The following EPHA4 variants were observed in gnomAD, a reference collection of about 807,000 sequenced individuals.
EPHA4 encodes the protein EPH receptor A4.
A neutral mutation model predicts 108.3 loss-of-function variants in EPHA4; 19 were observed. The observed-to-expected ratio is 0.18, with a 90% CI of 0.12 to 0.26. EPHA4 has a LOEUF of 0.26. Among genes scored for constraint, EPHA4 ranks in the 10% least tolerant of loss-of-function variants. The pLI is 1.00. For missense variants in EPHA4, 917 were observed against 1,254.0 expected (o/e 0.73, Z 4.06); for synonymous variants, 449 against 455.5 (o/e 0.99, Z 0.18).
chr2:221,432,135 A>T (rs1479389502), intron 14 of EPHA4, among the ~76,000 whole-genome samples: 2 of 145,114 alleles, frequency 1.4e-5, no homozygotes, highest in Non-Finnish European at 3.0e-5. Flanking sequence ...TTGTTTTTTT[A>T]TATATATGTG....
chr2:221,458,601 G>A (rs1312769572), intron 5 of EPHA4, among the ~76,000 whole-genome samples: 5 of 152,194 alleles, frequency 3.3e-5, no homozygotes, highest in Non-Finnish European at 7.3e-5. Flanking sequence ...CTGAACATGC[G>A]TGGCATTTTG....
chr2:221,514,092 G>GGA (rs869291080), intron 3 of EPHA4, among the ~76,000 whole-genome samples: 1 of 74,690 alleles, frequency 1.3e-5, no homozygotes, highest in East Asian at 7.4e-3. Flanking sequence ...GTAAGCCGGG[G>GGA]GGAGGGGGTT....
intron 3 of EPHA4, among the ~76,000 whole-genome samples, chr2:221,514,096 G>T (rs866244758): frequency 0.011 from 677 of 64,474 alleles, 6 homozygotes; most frequent in African/African-American, 0.1. Context: ...GCCGGGGGGA[G>T]GGGGTTTGAA....
At chr2:221,560,324 T>C (rs1217897167) in intron 3 of EPHA4, among the ~76,000 whole-genome samples, 1 of 152,102 alleles carries the variant, frequency 6.6e-6, no homozygotes, top group African/African-American at 2.4e-5. Flanking sequence ...AGTTTTCCTT[T>C]ATATTCCTTC....
At chr2:221,479,228 T>G (rs1691748897) in intron 5 of EPHA4, among the ~76,000 whole-genome samples, 2 of 152,216 alleles carry the variant, frequency 1.3e-5, no homozygotes, top group African/African-American at 4.8e-5. Flanking sequence ...AGGAGTAGGA[T>G]TCTCCCTGCT....
intron 5 of EPHA4, 107 bp from the exon 6 acceptor site, chr2:221,458,097 G>A (rs1691019727): frequency 2.9e-6 from 4 of 1,390,422 alleles, no homozygotes; most frequent in Non-Finnish European, 3.9e-6. Flanking sequence ...GTGAAAGATT[G>A]TCTTGTCTCC....
chr2:221,464,659 G>A (rs944400335), intron 5 of EPHA4, among the ~76,000 whole-genome samples: 5 of 151,950 alleles, frequency 3.3e-5, no homozygotes, highest in Non-Finnish European at 5.9e-5. Flanking sequence ...TTTTGTTTGC[G>A]GTACATTCGA....
At chr2:221,486,573 C>CATAAAAAA (rs1691978960) in intron 4 of EPHA4, among the ~76,000 whole-genome samples, 1 of 151,486 alleles carries the variant, frequency 6.6e-6, no homozygotes. Context: ...ACTAAAAATA[C>CATAAAAAA]ATAAAAAAAA....
intron 9 of EPHA4, among the ~76,000 whole-genome samples, chr2:221,445,289 C>T (rs1690557195): frequency 6.6e-6 from 1 of 151,896 alleles, no homozygotes; most frequent in Non-Finnish European, 1.5e-5. Flanking sequence ...AACCACTGTC[C>T]ATTTAAAAGT....
chr2:221,470,590 T>G (rs1691451456), intron 5 of EPHA4, among the ~76,000 whole-genome samples: 1 of 71,826 alleles, frequency 1.4e-5, no homozygotes. Flanking sequence ...TGCTTTTCCC[T>G]AAAGTATCAC....
At chr2:221,441,197 C>CTTTTTTT (rs201795751) in intron 11 of EPHA4, among the ~76,000 whole-genome samples, 1 of 132,100 alleles carries the variant, frequency 7.6e-6, no homozygotes, top group African/African-American at 2.8e-5. Flanking sequence ...CTTTTCTTTT[C>CTTTTTTT]TTTTTTTTTT....
rs1322018202 is a variant in EPHA4 at position 221,566,863 on chromosome 2, A to G, written c.159+1855T>C. On this transcript the variant is annotated intron_variant, in intron 2 of 17. Transcript: ENST00000281821. ...GAAGGAGAAGGAGAAGGAGAAGAAG[A>G]AGAAGAAGAAGAAGGAGAAGGAGAA... Among the ~76,000 whole-genome samples, 6 of 53,394 alleles carry G rather than the reference A, an allele frequency of 1.1e-4. 1 individual carries two copies. Among genetic ancestry groups the G allele is most frequent in the African/African-American group, 2.4e-4 (2 of 8,366 alleles). 35.0% of individuals were successfully genotyped at this position (53,394 alleles called of 152,430 possible).
At chr2:221,451,005 G>A (rs995746887) in intron 8 of EPHA4, among the ~76,000 whole-genome samples, 1 of 152,164 alleles carries the variant, frequency 6.6e-6, no homozygotes, top group Non-Finnish European at 1.5e-5. Context: ...CTTGAGGTCA[G>A]GGGTTTGAGA....
intron 3 of EPHA4, among the ~76,000 whole-genome samples, chr2:221,554,137 C>G (rs1259818082): frequency 1.3e-5 from 2 of 152,176 alleles, no homozygotes; most frequent in African/African-American, 4.8e-5. Context: ...TTCTCATCCG[C>G]TAATGACACC....
intron 3 of EPHA4, among the ~76,000 whole-genome samples, chr2:221,513,063 G>C (rs1414447562): frequency 6.6e-6 from 1 of 152,164 alleles, no homozygotes; most frequent in Non-Finnish European, 1.5e-5. Context: ...TGGAGAAAAA[G>C]AGTTTAACCA....
intron 3 of EPHA4, among the ~76,000 whole-genome samples, chr2:221,554,074 T>C (rs944605061): frequency 6.6e-6 from 1 of 152,212 alleles, no homozygotes; most frequent in African/African-American, 2.4e-5. Context: ...TTGAGAAGTG[T>C]GGGTCTGTTT....
chr2:221,489,037 T>C (rs541787892), intron 4 of EPHA4, among the ~76,000 whole-genome samples: 10 of 152,308 alleles, frequency 6.6e-5, no homozygotes, highest in African/African-American at 2.4e-4. Context: ...TGAGCCTTAA[T>C]AATGTCATTT....
chr2:221,538,106 T>C (rs975487461), intron 3 of EPHA4, among the ~76,000 whole-genome samples: 2 of 152,300 alleles, frequency 1.3e-5, no homozygotes, highest in South Asian at 2.1e-4. Context: ...GAGTAATTTA[T>C]TGAATTGAAC....
chr2:221,438,797 T>TA (rs68004766), intron 11 of EPHA4, among the ~76,000 whole-genome samples: 7 of 151,754 alleles, frequency 4.6e-5, no homozygotes, highest in Non-Finnish European at 8.8e-5. Context: ...AAAATAAAAA[T>TA]AAAAAAAATC....
Sources: gnomAD v4.1 joint callset for allele counts (sites outside exome capture counted in the v4.1 genomes callset) on GRCh38, gnomAD v4.1.1 for gene constraint, MANE v1.5 for transcripts, NCBI Gene and HGNC (gene_info 2026-07-23, HGNC 2026-07-21) for gene names.